DDX60L: variants seen among roughly 807,000 people sequenced by gnomAD.
DDX60L encodes probable ATP-dependent RNA helicase DDX60-like.
DDX60L carries 191 observed loss-of-function variants against 211.6 expected under a neutral mutation model. The observed-to-expected ratio is 0.90, with a 90% CI of 0.80 to 1.02. The LOEUF (loss-of-function observed/expected upper bound fraction) is 1.02, where lower values mean the gene tolerates loss of function less well. DDX60L is among the 50% of genes least tolerant of loss of function. The probability of loss-of-function intolerance (pLI) is 0.00; values close to 1 mark genes in which losing one functional copy is unlikely to be tolerated. For synonymous variants in DDX60L, 706 were observed against 694.1 expected, an observed-to-expected ratio of 1.02 and a Z score of -0.27; for missense variants, 2,007 against 1,984.1, an observed-to-expected ratio of 1.01 and a Z score of -0.22.
At chr4:168,470,675 A>G (rs941405967) in intron 4 of DDX60L, 18 of 159,310 alleles carry the variant, frequency 1.1e-4, no homozygotes, top group African/African-American at 4.1e-4. Context: ...CCCTGTCTCT[A>G]CTAAAAATAC....
intron 28 of DDX60L, 114 bp downstream of exon 28, chr4:168,394,350 TA>T (rs1441765648): frequency 2.7e-6 from 2 of 750,852 alleles, no homozygotes; most frequent in Non-Finnish European, 4.2e-6. Context: ...TGAGTTGTAA[TA>T]AAAAGACACT....
At chr4:168,400,202 T>C (rs1278482595) in intron 26 of DDX60L, among the ~76,000 whole-genome samples, 1 of 152,234 alleles carries the variant, frequency 6.6e-6, no homozygotes, top group Non-Finnish European at 1.5e-5. Flanking sequence ...AATCTCATTC[T>C]TTTTTATGGC....
At chr4:168,412,774 A>C (rs1297715332) in intron 22 of DDX60L, among the ~76,000 whole-genome samples, 5 of 152,204 alleles carry the variant, frequency 3.3e-5, no homozygotes, top group Non-Finnish European at 5.9e-5. Flanking sequence ...TGCAGTGGAG[A>C]CCACAGGGAT....
At chr4:168,393,497 CA>C (rs1210871165) in intron 28 of DDX60L, among the ~76,000 whole-genome samples, 1 of 151,414 alleles carries the variant, frequency 6.6e-6, no homozygotes, top group African/African-American at 2.4e-5. Context: ...CACCGTCTCA[CA>C]AAAAAAAGAT....
intron 7 of DDX60L, 51 bp downstream of exon 7, chr4:168,455,988 C>T (rs1189177594): frequency 3.9e-6 from 5 of 1,284,102 alleles, no homozygotes; most frequent in Non-Finnish European, 5.4e-6. Flanking sequence ...ATACCAGTTA[C>T]ACCTGATGAA....
In DDX60L at chr4:168,384,309, C is replaced by G. The variant is rs907910994; in HGVS notation, c.4116+303G>C. Among the ~76,000 whole-genome samples, 16 of 152,028 alleles carry G rather than the reference C, an allele frequency of 1.1e-4. 1 individual carries two copies. The highest frequency in any genetic ancestry group is 1.0e-3 in the Admixed American group (16 of 15,266). ...ACCAGCCTGGGCAACAGTGAGCCCT[C>G]ACCTCTACACAAAAAAATAAAATAA... On this transcript the variant is annotated intron_variant, in intron 30 of 37. Coordinates refer to ENST00000682922, the MANE Select transcript of DDX60L (RefSeq NM_001012967.3).
In DDX60L at chr4:168,420,281, G is replaced by C. The variant is rs780779473; in HGVS notation, c.2494C>G (p.His832Asp). 6 of 1,602,664 alleles carry C rather than the reference G, an allele frequency of 3.7e-6. No homozygotes were observed. Among genetic ancestry groups the C allele is most frequent in the Non-Finnish European group, 4.3e-6 (5 of 1,175,044 alleles). The change falls in exon 18 of 38, where the codon CAC (histidine) becomes GAC (aspartate). Residue 832 changes from histidine (H) to aspartate (D), a missense_variant. His to Asp is a moderately conservative substitution (Grantham distance 81). Transcript: ENST00000682922. ...CATACCTGACAGTTTAGTACATTGT[G>C]ACAATAATCTCTTGTAAAAGCACCG... Reference protein sequence around the residue: ...LCGAFTRDYCHNVLNCQVLIT... With the variant: ...LCGAFTRDYCDNVLNCQVLIT...
intron 14 of DDX60L, among the ~76,000 whole-genome samples, chr4:168,426,603 C>T (rs1304484420): frequency 2.6e-5 from 4 of 152,188 alleles, no homozygotes; most frequent in Non-Finnish European, 4.4e-5. Flanking sequence ...TATACAAACA[C>T]ACTTAAAAAG....
intron 1 of DDX60L, among the ~76,000 whole-genome samples, chr4:168,479,145 T>C (rs1378931832): frequency 7.2e-6 from 1 of 139,206 alleles, no homozygotes; most frequent in Admixed American, 8.0e-5. Context: ...GATGGATGGA[T>C]GGATGGATGG....
At chr4:168,463,354 T>A (rs975029062) in intron 4 of DDX60L, among the ~76,000 whole-genome samples, 1 of 152,210 alleles carries the variant, frequency 6.6e-6, no homozygotes. Flanking sequence ...AAATACTGCA[T>A]GTTGTCACTT....
chr4:168,462,624 C>T (rs995631629), intron 4 of DDX60L, among the ~76,000 whole-genome samples: 2 of 152,208 alleles, frequency 1.3e-5, no homozygotes, highest in South Asian at 2.1e-4. Context: ...ACCAGTCTGG[C>T]CAACATGGTG....
chr4:168,436,910 G>A (rs1342557338), intron 10 of DDX60L, among the ~76,000 whole-genome samples: 1 of 152,134 alleles, frequency 6.6e-6, no homozygotes, highest in Non-Finnish European at 1.5e-5. Context: ...GGGTTATTGT[G>A]CTGGCTGCTG....
At chr4:168,476,177 G>T (rs1759457428) in intron 1 of DDX60L, 2 of 140,276 alleles carry the variant, frequency 1.4e-5, no homozygotes, top group African/African-American at 2.5e-5. Context: ...TTTTTAAAAA[G>T]AACATGTTTT....
At position 168,383,892 on chromosome 4, in the gene DDX60L, T is replaced by C. The variant is rs535128659; in HGVS notation, c.4116+720A>G. Among the ~76,000 whole-genome samples the C allele has an allele frequency of 3.3e-5, 5 of 152,294 alleles. No individual in the cohort carries two copies. The South Asian group carries it at 1.0e-3, about 32-fold the overall frequency. ...ATCCTAGGTGTGTCTTTGAGCGTGT[T>C]GCCAAAGGAGATTAACATTTGACTC... On this transcript the variant is annotated intron_variant, in intron 30 of 37. Coordinates refer to ENST00000682922, the MANE Select transcript of DDX60L (RefSeq NM_001012967.3).
At chr4:168,414,535 T>C (rs1324216945) in intron 22 of DDX60L, among the ~76,000 whole-genome samples, 2 of 152,100 alleles carry the variant, frequency 1.3e-5, no homozygotes, top group African/African-American at 2.4e-5. Context: ...GAAATCAGTA[T>C]ATCAAAGAGG....
chr4:168,415,903 G>T, intron 20 of DDX60L, 104 bp from the exon 21 acceptor site: 1 of 1,084,662 alleles, frequency 9.2e-7, no homozygotes, highest in Non-Finnish European at 1.2e-6. Flanking sequence ...AAAATTTAGA[G>T]CATGCCCTCT....
intron 1 of DDX60L, among the ~76,000 whole-genome samples, chr4:168,474,687 GAC>G (rs1759249234): frequency 2.0e-5 from 3 of 152,052 alleles, no homozygotes. Flanking sequence ...CAAGTTAAAA[GAC>G]AGAGTCCAGA....
intron 4 of DDX60L, among the ~76,000 whole-genome samples, chr4:168,468,540 C>A (rs1245176140): frequency 1.3e-5 from 2 of 151,960 alleles, no homozygotes; most frequent in Admixed American, 6.5e-5. Flanking sequence ...AATATGATAC[C>A]TAGTAGGGAA....
intron 33 of DDX60L, chr4:168,377,952 C>G (rs980807698): frequency 1.3e-5 from 2 of 153,062 alleles, no homozygotes; most frequent in Admixed American, 1.3e-4. Flanking sequence ...TCTTAGGTGA[C>G]CACCTCAATA....
Sources: allele counts gnomAD v4.1 joint callset (sites outside exome capture counted in the v4.1 genomes callset), GRCh38; gene constraint gnomAD v4.1.1; transcripts MANE v1.5; gene names NCBI Gene and HGNC (gene_info 2026-07-23, HGNC 2026-07-21).